Variants in EXT1 observed in about 807,000 individuals in gnomAD.
The protein encoded by EXT1 is exostosin glycosyltransferase 1, also known as exostosin-1.
A neutral mutation model predicts 82.5 loss-of-function variants in EXT1; 20 were observed. The ratio of observed to expected loss-of-function variants is 0.24; its 90% CI spans 0.17 to 0.35. The LOEUF (loss-of-function observed/expected upper bound fraction) is 0.35. Ranked by LOEUF, EXT1 falls within the 10% of genes least tolerant of loss-of-function variation. The pLI, the probability that EXT1 is intolerant of heterozygous loss-of-function variation, is 1.00. For synonymous variants in EXT1, 348 were observed against 350.8 expected (o/e 0.99, Z 0.09); for missense variants, 757 against 936.5 (o/e 0.81, Z 2.50).
chr8:117,882,536 C>A lies in EXT1; in HGVS notation c.963-45335G>T, dbSNP rs72673949. ...CCCCATACTAATTCCTAATTCATCT[C>A]AGTAAAATTCCCCAGGGTAGAACAA... On this transcript the variant is annotated intron_variant, in intron 1 of 10. Coordinates refer to ENST00000378204, the MANE Select transcript of EXT1 (RefSeq NM_000127.3). Among the ~76,000 whole-genome samples, 62 of 152,290 alleles carry A rather than the reference C, an allele frequency of 4.1e-4. 2 individuals are homozygous for A. Among genetic ancestry groups the A allele is most frequent in the Non-Finnish European group, 6.3e-4 (43 of 68,020 alleles).
intron 1 of EXT1, among the ~76,000 whole-genome samples, chr8:118,017,874 G>A (rs1232258133): frequency 1.3e-5 from 2 of 152,144 alleles, no homozygotes; most frequent in East Asian, 1.9e-4. Context: ...GCCCAGCACT[G>A]CCAAAAGAAT....
At chr8:118,093,920 G>GT (rs1381640721) in intron 1 of EXT1, among the ~76,000 whole-genome samples, 2 of 152,240 alleles carry the variant, frequency 1.3e-5, no homozygotes, top group African/African-American at 4.8e-5. Context: ...GAAGCCATCA[G>GT]TTGTTAGCAG....
chr8:118,013,126 C>A (rs1219093579), intron 1 of EXT1, among the ~76,000 whole-genome samples: 2 of 152,066 alleles, frequency 1.3e-5, no homozygotes, highest in Non-Finnish European at 1.5e-5. Flanking sequence ...CTCAACATCC[C>A]AGGCTCAGGC....
At chr8:118,046,848 CA>C (rs1816630655) in intron 1 of EXT1, among the ~76,000 whole-genome samples, 2 of 152,322 alleles carry the variant, frequency 1.3e-5, no homozygotes, top group Non-Finnish European at 2.9e-5. Flanking sequence ...GAAAATCCAT[CA>C]ACAGAATACC....
chr8:118,001,766 T>C (rs939451224), intron 1 of EXT1, among the ~76,000 whole-genome samples: 2 of 152,180 alleles, frequency 1.3e-5, no homozygotes, highest in Admixed American at 6.5e-5. Flanking sequence ...CAGGATTTTT[T>C]TTCTCCCAAA....
chr8:117,809,615 C>T (rs1275265398), intron 8 of EXT1, among the ~76,000 whole-genome samples: 2 of 145,042 alleles, frequency 1.4e-5, no homozygotes, highest in Non-Finnish European at 3.0e-5. Context: ...CTATCGTGGG[C>T]GGCAGAGTGA....
chr8:118,077,927 G>A (rs1817240463), intron 1 of EXT1, among the ~76,000 whole-genome samples: 1 of 152,048 alleles, frequency 6.6e-6, no homozygotes, highest in Admixed American at 6.5e-5. Flanking sequence ...AAATGCTTCT[G>A]TTATAATTTG....
chr8:117,941,143 T>C (rs947189315), intron 1 of EXT1, among the ~76,000 whole-genome samples: 2 of 152,214 alleles, frequency 1.3e-5, no homozygotes, highest in Non-Finnish European at 2.9e-5. Context: ...GTCTCGGGAC[T>C]CCTCTAGGGA....
intron 7 of EXT1, among the ~76,000 whole-genome samples, chr8:117,814,120 A>G (rs1232391508): frequency 1.3e-5 from 2 of 152,132 alleles, no homozygotes; most frequent in South Asian, 2.1e-4. Flanking sequence ...AAGAAAAAAT[A>G]TTAAATAATA....
At chr8:117,824,515 T>C (rs1811978303) in intron 4 of EXT1, among the ~76,000 whole-genome samples, 1 of 152,230 alleles carries the variant, frequency 6.6e-6, no homozygotes, top group African/African-American at 2.4e-5. Flanking sequence ...TTGTGTATTA[T>C]TTTCCTCATT....
chr8:117,848,273 A>T (rs1326933222), intron 1 of EXT1, among the ~76,000 whole-genome samples: 1 of 152,200 alleles, frequency 6.6e-6, no homozygotes, highest in Non-Finnish European at 1.5e-5. Flanking sequence ...TTACAGGAAT[A>T]TCTTTGCATG....
chr8:118,097,138 C>T (rs529467742), intron 1 of EXT1, among the ~76,000 whole-genome samples: 63 of 152,170 alleles, frequency 4.1e-4, no homozygotes, highest in African/African-American at 1.5e-3. Context: ...ACCTGGTGAG[C>T]TTTTTAAAAA....
At chr8:117,951,283 C>T (rs1814486450) in intron 1 of EXT1, among the ~76,000 whole-genome samples, 1 of 152,188 alleles carries the variant, frequency 6.6e-6, no homozygotes, top group African/African-American at 2.4e-5. Flanking sequence ...GCCTCTTTTA[C>T]TCATCTATCT....
At chr8:117,959,234 A>G (rs1177851158) in intron 1 of EXT1, among the ~76,000 whole-genome samples, 3 of 152,170 alleles carry the variant, frequency 2.0e-5, no homozygotes. Flanking sequence ...TTCCCGCAGG[A>G]GACAGAACTC....
intron 1 of EXT1, among the ~76,000 whole-genome samples, chr8:117,949,627 T>A (rs887738239): frequency 4.6e-5 from 7 of 151,666 alleles, no homozygotes; most frequent in African/African-American, 1.7e-4. Context: ...AGATTGTAAT[T>A]AGAGCTCAAC....
intron 1 of EXT1, among the ~76,000 whole-genome samples, chr8:117,915,352 C>CATATAT (rs58661474): frequency 0.014 from 2,067 of 147,298 alleles, 25 homozygotes; most frequent in Middle Eastern, 0.021. Flanking sequence ...TAGATATAAC[C>CATATAT]ATATATATAT....
chr8:118,025,532 T>C (rs1326334650), intron 1 of EXT1, among the ~76,000 whole-genome samples: 1 of 152,130 alleles, frequency 6.6e-6, no homozygotes, highest in Non-Finnish European at 1.5e-5. Context: ...AGGGCTACTT[T>C]CGAAAGCTTT....
Position 117,818,464 on chromosome 8 carries a change from G to A in EXT1, c.1603C>T (p.Pro535Ser), listed in dbSNP as rs1006713733. The change falls in exon 7 of 11, where the codon CCT (proline) becomes TCT (serine). Residue 535 changes from proline (P) to serine (S), a missense_variant. Physicochemically the swap from Pro to Ser is moderately conservative, Grantham distance 74. Transcript: ENST00000378204. ...CTCTCTCCTTCAATGACGACGACAG[G>A]CACAGCAGTGGCAGGCCAGCGGTGT... Reference protein sequence around the residue: ...AKHRWPATAVPVVVIEGESKV... With the variant: ...AKHRWPATAVSVVVIEGESKV... 1.1e-5 allele frequency: 17 copies of A among 1,614,032 alleles called. No individual in the cohort carries two copies. The highest frequency in any genetic ancestry group is 1.3e-5 in the African/African-American group (1 of 74,906).
chr8:117,897,889 C>A (rs554259122), intron 1 of EXT1, among the ~76,000 whole-genome samples: 1 of 152,068 alleles, frequency 6.6e-6, no homozygotes, highest in Non-Finnish European at 1.5e-5. Context: ...AGGCGTGAAC[C>A]ACCGCACCCA....
Sources: gnomAD v4.1 joint callset for allele counts (sites outside exome capture counted in the v4.1 genomes callset) on GRCh38, gnomAD v4.1.1 for gene constraint, MANE v1.5 for transcripts, NCBI Gene and HGNC (gene_info 2026-07-23, HGNC 2026-07-21) for gene names.